PHACTR1: variants seen among roughly 807,000 people sequenced by gnomAD.
The protein encoded by PHACTR1 is RPEL repeat containing 1.
In PHACTR1, 16 loss-of-function variants were observed where a neutral mutation model predicts 69.2. The observed-to-expected ratio is 0.23, with a 90% CI of 0.16 to 0.35. PHACTR1 has a LOEUF of 0.35. PHACTR1 is among the 10% of genes least tolerant of loss of function. The pLI, the probability that PHACTR1 is intolerant of heterozygous loss-of-function variation, is 1.00. For synonymous variants in PHACTR1, 312 were observed against 284.5 expected (o/e 1.10, Z -0.97); for missense variants, 510 against 734.7 (o/e 0.69, Z 3.54).
At chr6:12,855,774 C>G (rs1780287607) in intron 4 of PHACTR1, among the ~76,000 whole-genome samples, 1 of 152,024 alleles carries the variant, frequency 6.6e-6, no homozygotes. Context: ...CAAGCCTGAC[C>G]ATGTACCCCC....
chr6:13,283,035 A>G lies in PHACTR1; in HGVS notation c.1510-387A>G, dbSNP rs2127485339. On this transcript the variant is annotated intron_variant, in intron 12 of 14. Transcript: ENST00000332995. This position sits in a 1 kb window ranked among gnomAD's most constrained non-coding sequence, Gnocchi z 4.7. ...GATGCCTGTGATTTGTTTCAAAGCA[A>G]TCTACATGTGGATGTAGTCAAGAGT... Among the ~76,000 whole-genome samples, 1 of 152,342 alleles carries G rather than the reference A, an allele frequency of 6.6e-6. No homozygotes were observed. Among genetic ancestry groups the G allele is most frequent in the East Asian group, 1.9e-4 (1 of 5,192 alleles).
At chr6:13,257,462 C>T (rs966465586) in intron 10 of PHACTR1, among the ~76,000 whole-genome samples, 3 of 152,150 alleles carry the variant, frequency 2.0e-5, no homozygotes, top group Non-Finnish European at 2.9e-5. Context: ...ACCCATCCAG[C>T]ACCTTATCTG....
chr6:12,778,464 T>C (rs1561873377), intron 4 of PHACTR1, among the ~76,000 whole-genome samples: 1 of 152,250 alleles, frequency 6.6e-6, no homozygotes, highest in South Asian at 2.1e-4. Flanking sequence ...AGGAAAGTCT[T>C]CATTTATTCT....
chr6:12,928,344 A>T (rs1450258793), intron 4 of PHACTR1, among the ~76,000 whole-genome samples: 3 of 151,898 alleles, frequency 2.0e-5, no homozygotes. Flanking sequence ...AAACCCCTCA[A>T]AATGCCCGGC....
intron 9 of PHACTR1, among the ~76,000 whole-genome samples, chr6:13,228,974 A>G (rs1372367885): frequency 6.6e-6 from 1 of 152,228 alleles, no homozygotes. Flanking sequence ...CTCGCTCTCT[A>G]CTTACCAGGC....
intron 8 of PHACTR1, among the ~76,000 whole-genome samples, chr6:13,226,629 A>T (rs1036801754): frequency 7.9e-5 from 12 of 152,188 alleles, no homozygotes; most frequent in Admixed American, 3.3e-4. Context: ...AGCCTGTCAT[A>T]AAAAAGGGTT....
At position 12,961,483 on chromosome 6, in the gene PHACTR1, T is replaced by G. The variant is rs554816195; in HGVS notation, c.251-91882T>G. Among the ~76,000 whole-genome samples the G allele has an allele frequency of 8.5e-5, 13 of 152,308 alleles. No individual in the cohort carries two copies. The South Asian group carries it at 1.0e-3, about 12-fold the overall frequency. ...CTTAGAAAATAGTAAAAATAATTCC[T>G]ACCCTACTGTCAGGTTATTGAAGAG... is the stretch of plus-strand genomic sequence containing the variant. On this transcript the variant is annotated intron_variant, in intron 4 of 14. Coordinates refer to ENST00000332995, the MANE Select transcript of PHACTR1 (RefSeq NM_030948.6).
chr6:13,045,576 G>A (rs1022578833), intron 4 of PHACTR1, among the ~76,000 whole-genome samples: 1 of 152,182 alleles, frequency 6.6e-6, no homozygotes. Context: ...TTTAAAATTA[G>A]TACATCTTAG....
At chr6:12,902,866 G>A (rs1394928289) in intron 4 of PHACTR1, among the ~76,000 whole-genome samples, 2 of 152,116 alleles carry the variant, frequency 1.3e-5, no homozygotes, top group Non-Finnish European at 2.9e-5. Context: ...CATCTCAACA[G>A]GCCACTTAAG....
At chr6:13,265,542 G>C (rs1776557477) in intron 10 of PHACTR1, among the ~76,000 whole-genome samples, 1 of 152,178 alleles carries the variant, frequency 6.6e-6, no homozygotes, top group Admixed American at 6.5e-5. Flanking sequence ...CAAAGCCGTT[G>C]TGATTGGTTA....
At chr6:13,023,788 A>G (rs1801314591) in intron 4 of PHACTR1, among the ~76,000 whole-genome samples, 1 of 152,218 alleles carries the variant, frequency 6.6e-6, no homozygotes, top group African/African-American at 2.4e-5. Flanking sequence ...GTAAAAGAAA[A>G]AAATGGGGTC....
At chr6:12,814,397 T>G (rs1775348603) in intron 4 of PHACTR1, among the ~76,000 whole-genome samples, 1 of 152,238 alleles carries the variant, frequency 6.6e-6, no homozygotes, top group African/African-American at 2.4e-5. Flanking sequence ...AAGTGCTGTG[T>G]GCCTGGCACA....
rs1237420285 is a variant in PHACTR1, at chr6:13,231,466, AG to A, written c.1391+1275del. On this transcript the variant is annotated intron_variant, in intron 10 of 14. Coordinates refer to ENST00000332995, the MANE Select transcript of PHACTR1 (RefSeq NM_030948.6). The stretch of plus-strand genomic sequence containing the variant: ...GAGGGAGGAAGGAAAGAAGGAAGGA[AG>A]GAAGGAAGGAAAGAAGGAAGGAAGG... Among the ~76,000 whole-genome samples the A allele has an allele frequency of 1.1e-3, 172 of 150,184 alleles. 1 individual carries two copies. Among genetic ancestry groups the A allele is most frequent in the Non-Finnish European group, 1.6e-3 (110 of 67,822 alleles).
intron 6 of PHACTR1, among the ~76,000 whole-genome samples, chr6:13,163,799 G>C (rs1342979437): frequency 6.6e-6 from 1 of 152,120 alleles, no homozygotes; most frequent in African/African-American, 2.4e-5. Context: ...GAAAGTATGG[G>C]TGATGTTGTG....
chr6:12,803,095 T>G (rs2061657055), intron 4 of PHACTR1, among the ~76,000 whole-genome samples: 1 of 152,228 alleles, frequency 6.6e-6, no homozygotes, highest in Admixed American at 6.5e-5. Flanking sequence ...TGTTAAACTG[T>G]GATCTGCTGA....
intron 10 of PHACTR1, among the ~76,000 whole-genome samples, chr6:13,269,504 A>T (rs1777319295): frequency 6.6e-6 from 1 of 152,132 alleles, no homozygotes. Context: ...GTCAATGGGG[A>T]TGAAAAATGT....
intron 4 of PHACTR1, among the ~76,000 whole-genome samples, chr6:12,985,273 A>T (rs1270259006): frequency 9.3e-6 from 1 of 107,194 alleles, no homozygotes; most frequent in Non-Finnish European, 1.8e-5. Flanking sequence ...CCATAGGAAA[A>T]ATTAAGCCTA....
At chr6:12,899,845 G>A (rs1042156790) in intron 4 of PHACTR1, among the ~76,000 whole-genome samples, 5 of 152,130 alleles carry the variant, frequency 3.3e-5, no homozygotes, top group Admixed American at 6.5e-5. Context: ...GAGACTGCAC[G>A]CCCGGGTCTG....
intron 4 of PHACTR1, among the ~76,000 whole-genome samples, chr6:12,919,134 T>A (rs1787351516): frequency 6.6e-6 from 1 of 151,848 alleles, no homozygotes; most frequent in African/African-American, 2.4e-5. Context: ...ACCCAGCCTG[T>A]AAAGACTTTT....
Sources: gnomAD v4.1 joint callset for allele counts (sites outside exome capture counted in the v4.1 genomes callset) on GRCh38, gnomAD v4.1.1 for gene constraint, Gnocchi (gnomAD v3.1) non-coding constraint, MANE v1.5 for transcripts, NCBI Gene and HGNC (gene_info 2026-07-23, HGNC 2026-07-21) for gene names.